The following TRPM2 variants were observed in gnomAD, a reference collection of about 807,000 sequenced individuals.
The protein encoded by TRPM2 is estrogen-responsive element-associated gene 1 protein.
In TRPM2, 161 loss-of-function variants were observed where a neutral mutation model predicts 174.0. The observed-to-expected ratio is 0.93, with a 90% CI of 0.81 to 1.05. The LOEUF (loss-of-function observed/expected upper bound fraction) is 1.05, where lower values mean the gene tolerates loss of function less well. TRPM2 is among the 50% of genes least tolerant of loss of function. The pLI, the probability that TRPM2 is intolerant of heterozygous loss-of-function variation, is 0.00. For synonymous variants in TRPM2, 954 were observed against 861.3 expected, an observed-to-expected ratio of 1.11 and a Z score of -1.88; for missense variants, 2,057 against 2,038.0, an observed-to-expected ratio of 1.01 and a Z score of -0.18.
At chr21:44,356,988 G>A (rs1487977526) in intron 2 of TRPM2, among the ~76,000 whole-genome samples, 1 of 152,002 alleles carries the variant, frequency 6.6e-6, no homozygotes, top group Non-Finnish European at 1.5e-5. Context: ...GCCCACTTTC[G>A]TCGCCATCTT....
intron 27 of TRPM2, among the ~76,000 whole-genome samples, chr21:44,428,559 TGTGG>T (rs2050899439): frequency 6.9e-6 from 1 of 144,858 alleles, no homozygotes; most frequent in Non-Finnish European, 1.5e-5. Flanking sequence ...TCCCCTTAGG[TGTGG>T]CTCCTCCCTG....
At position 44,391,333 on chromosome 21, in the gene TRPM2, A is replaced by G. The variant is rs1285082227; in HGVS notation, c.1502A>G (p.Lys501Arg). ...ATCTCCAACAAGCCTGAGTTTGTGA[A>G]GCTCTTCCTGGAGAACGGGGTGCAG... ...ALISNKPEFV[K>R]LFLENGVQLK... Residue 501 changes from lysine (K) to arginine (R), a missense_variant, in exon 11 of 32, where the codon AAG becomes AGG. Coordinates refer to ENST00000397928, the MANE Select transcript of TRPM2 (RefSeq NM_003307.4). The surrounding 1 kb of genome is among the most constrained non-coding windows in gnomAD (Gnocchi z 5.0). 12 of 1,614,018 alleles carry G rather than the reference A, an allele frequency of 7.4e-6. No individual in the cohort carries two copies. The highest frequency in any genetic ancestry group is 1.0e-5 in the Non-Finnish European group (12 of 1,180,040).
At chr21:44,371,090 C>T (rs867659260) in intron 5 of TRPM2, among the ~76,000 whole-genome samples, 52 of 152,366 alleles carry the variant, frequency 3.4e-4, no homozygotes, top group Middle Eastern at 6.8e-3. Flanking sequence ...GATTGGCCAT[C>T]ATCCAGCCAT....
Position 44,435,230 on chromosome 21 carries a change from G to C in TRPM2, c.4061+13G>C. 1 of 1,610,408 alleles carries C rather than the reference G, an allele frequency of 6.2e-7. No individual in the cohort carries two copies. The highest frequency in any genetic ancestry group is 1.1e-5 in the South Asian group (1 of 90,952). On this transcript the variant is annotated intron_variant, in intron 28 of 31. Transcript: ENST00000397928. ...CCATGGTCACGCGGTGAGTTCATGT[G>C]TGCCGGGCACCAGCACCTCAGCAAG...
Position 44,440,385 on chromosome 21 carries a change from TC to T in TRPM2, c.4270-402del, listed in dbSNP as rs2051455505. The stretch of plus-strand genomic sequence containing the variant: ...CAACATTGTGCAGCCACCACCTCTA[TC>T]CGGTTCCAGAACGTTCCATCACCCC... On this transcript the variant is annotated intron_variant, in intron 30 of 31. Transcript: ENST00000397928. Among the ~76,000 whole-genome samples the T allele has an allele frequency of 2.0e-5, 3 of 148,002 alleles. No homozygotes were observed. The South Asian group carries it at 6.9e-4, about 34-fold the overall frequency.
At chr21:44,375,498 C>T (rs1325047558) in intron 5 of TRPM2, among the ~76,000 whole-genome samples, 2 of 152,176 alleles carry the variant, frequency 1.3e-5, no homozygotes, top group African/African-American at 4.8e-5. Context: ...ACGTCTGTTT[C>T]CCCGCCTCCT....
intron 5 of TRPM2, among the ~76,000 whole-genome samples, chr21:44,372,767 G>A (rs575370564): frequency 2.0e-5 from 3 of 152,278 alleles, no homozygotes; most frequent in East Asian, 1.9e-4. Flanking sequence ...TCCAAAACCC[G>A]GCAGGCAGAA....
intron 9 of TRPM2, among the ~76,000 whole-genome samples, chr21:44,389,874 T>TG: frequency 2.1e-5 from 1 of 47,002 alleles, no homozygotes; most frequent in African/African-American, 2.8e-4. Flanking sequence ...AGGCTTAAAA[T>TG]TTTTTTTTTT....
chr21:44,423,796 C>T, intron 23 of TRPM2, 64 bp downstream of exon 23: 1 of 1,338,720 alleles, frequency 7.5e-7, no homozygotes, highest in Non-Finnish European at 1.0e-6. Flanking sequence ...GCGGCTCTGC[C>T]ATGTGGTGGC....
intron 18 of TRPM2, 77 bp from the exon 19 acceptor site, chr21:44,406,517 C>G (rs777396673): frequency 1.3e-6 from 2 of 1,492,872 alleles, no homozygotes; most frequent in East Asian, 4.7e-5. Context: ...CTGTCTCCAC[C>G]GCTGCTGGGC....
At chr21:44,351,825 C>T (rs1054139479), upstream of TRPM2, among the ~76,000 whole-genome samples, 2 of 152,194 alleles carry the variant, frequency 1.3e-5, no homozygotes. Flanking sequence ...GTCTGACCTG[C>T]TTCCCAGGGC....
intron 22 of TRPM2, among the ~76,000 whole-genome samples, chr21:44,422,801 A>G (rs1416248424): frequency 7.8e-6 from 1 of 127,508 alleles, no homozygotes; most frequent in African/African-American, 3.0e-5. Context: ...CAGAAGCCAA[A>G]TACTCCCAGA....
At chr21:44,395,393 T>C in intron 11 of TRPM2, 21 bp from the exon 12 acceptor site, 1 of 1,611,866 alleles carries the variant, frequency 6.2e-7, no homozygotes, top group African/African-American at 1.3e-5. Flanking sequence ...GCTGGGGCTC[T>C]GACAGTTCAC....
At chr21:44,430,133 C>T (rs1024217724) in intron 27 of TRPM2, among the ~76,000 whole-genome samples, 1 of 152,232 alleles carries the variant, frequency 6.6e-6, no homozygotes, top group Admixed American at 6.5e-5. Context: ...TTATATTTAA[C>T]GTACTGCTGG....
chr21:44,354,756 T>C lies in TRPM2; in HGVS notation c.254+20T>C. 2 of 1,610,596 alleles carry C rather than the reference T, an allele frequency of 1.2e-6. No individual in the cohort carries two copies. Among genetic ancestry groups the C allele is most frequent in the Non-Finnish European group, 1.7e-6 (2 of 1,176,774 alleles). ...TGCTGGGTAAGTGACGTGATTTGTG[T>C]GTAAGACCTCTGACTTCTTCCTTCC... On this transcript the variant is annotated intron_variant, in intron 2 of 31. Coordinates refer to ENST00000397928, the MANE Select transcript of TRPM2 (RefSeq NM_003307.4). This position sits in a 1 kb window ranked among gnomAD's most constrained non-coding sequence, Gnocchi z 4.3.
At chr21:44,389,784 C>T (rs2049117084) in intron 9 of TRPM2, among the ~76,000 whole-genome samples, 2 of 152,022 alleles carry the variant, frequency 1.3e-5, no homozygotes, top group African/African-American at 4.8e-5. Flanking sequence ...TATTCGGATA[C>T]AAATCGTTCG....
intron 9 of TRPM2, among the ~76,000 whole-genome samples, chr21:44,387,130 G>A (rs2049038548): frequency 1.3e-5 from 2 of 152,118 alleles, no homozygotes; most frequent in South Asian, 4.1e-4. Context: ...GGGCTGCAGT[G>A]AGCTGTGATT....
Position 44,379,026 on chromosome 21 carries a change from C to G in TRPM2, c.1044C>G (p.Thr348=). Residue 348 remains threonine, a synonymous_variant, in exon 8 of 32, where the codon ACC becomes ACG. Coordinates refer to ENST00000397928, the MANE Select transcript of TRPM2 (RefSeq NM_003307.4). ...TCGACAACGCCACCACCAACGGCAC[C>G]CCCTGTGTGGTTGTGGAGGGCTCGG... is the stretch of plus-strand genomic sequence containing the variant. ...HTIDNATTNG[T]PCVVVEGSGR... 2.5e-6 allele frequency: 4 copies of G among 1,609,042 alleles called. No individual in the cohort carries two copies. The highest frequency in any genetic ancestry group is 3.4e-6 in the Non-Finnish European group (4 of 1,179,984).
At chr21:44,409,971 C>T (rs1426691842) in intron 19 of TRPM2, among the ~76,000 whole-genome samples, 1 of 149,320 alleles carries the variant, frequency 6.7e-6, no homozygotes, top group Non-Finnish European at 1.5e-5. Flanking sequence ...TAAGTTTTGA[C>T]CTCACTCTCT....
Sources: gnomAD v4.1 joint callset for allele counts (sites outside exome capture counted in the v4.1 genomes callset) on GRCh38, gnomAD v4.1.1 for gene constraint, Gnocchi (gnomAD v3.1) non-coding constraint, MANE v1.5 for transcripts, NCBI Gene and HGNC (gene_info 2026-07-23, HGNC 2026-07-21) for gene names.